The following FREM1 variants were observed in gnomAD, a reference collection of about 807,000 sequenced individuals.
FREM1 encodes FRAS1-related extracellular matrix protein 1.
In FREM1, 220 loss-of-function variants were observed where a neutral mutation model predicts 210.1. The ratio of observed to expected loss-of-function variants is 1.05; its 90% CI spans 0.94 to 1.17. The LOEUF is 1.17. Among genes scored for constraint, FREM1 ranks in the 50% most tolerant of loss-of-function variants. FREM1 has a pLI of 0.00. For synonymous variants in FREM1, 1,189 were observed against 980.2 expected (o/e 1.21, Z -3.98); for missense variants, 3,454 against 2,675.5 (o/e 1.29, Z -6.42).
intron 2 of FREM1, among the ~76,000 whole-genome samples, chr9:14,866,705 A>G (rs1251256811): frequency 2.0e-5 from 3 of 152,186 alleles, no homozygotes; most frequent in Non-Finnish European, 4.4e-5. Flanking sequence ...TTAAAAATAT[A>G]TTGATTGGAA....
At chr9:14,890,042 G>A (rs1252824376) in intron 1 of FREM1, among the ~76,000 whole-genome samples, 1 of 152,180 alleles carries the variant, frequency 6.6e-6, no homozygotes, top group African/African-American at 2.4e-5. Flanking sequence ...TGGAGCTAAG[G>A]ATACTCCTTT....
At chr9:14,827,034 T>C (rs1822590278) in intron 10 of FREM1, among the ~76,000 whole-genome samples, 2 of 152,046 alleles carry the variant, frequency 1.3e-5, no homozygotes, top group South Asian at 4.1e-4. Context: ...TACCTGAAAA[T>C]GTGGAAGTAG....
intron 22 of FREM1, chr9:14,791,063 A>C (rs563962771): frequency 6.6e-6 from 1 of 152,220 alleles, no homozygotes; most frequent in African/African-American, 2.4e-5. Context: ...ATGGAAAGTT[A>C]AGCATTCCAT....
At chr9:14,891,910 G>A (rs751790398) in intron 1 of FREM1, among the ~76,000 whole-genome samples, 11 of 152,214 alleles carry the variant, frequency 7.2e-5, no homozygotes, top group Non-Finnish European at 1.3e-4. Context: ...GGTCTTGTGG[G>A]AGGGAGATTT....
intron 25 of FREM1, among the ~76,000 whole-genome samples, chr9:14,772,755 T>A (rs1847814017): frequency 6.6e-6 from 1 of 152,144 alleles, no homozygotes; most frequent in Non-Finnish European, 1.5e-5. Flanking sequence ...CACAACCAAG[T>A]GGCCAGTAAG....
intron 10 of FREM1, among the ~76,000 whole-genome samples, chr9:14,840,934 C>G (rs982402428): frequency 6.6e-6 from 1 of 152,180 alleles, no homozygotes; most frequent in Middle Eastern, 3.2e-3. Context: ...TAAATAATAG[C>G]TAATGTATTT....
intron 34 of FREM1, 148 bp from the exon 35 acceptor site, chr9:14,746,616 G>C (rs1167100156): frequency 4.6e-6 from 3 of 654,690 alleles, no homozygotes; most frequent in Non-Finnish European, 8.0e-6. Flanking sequence ...TCTCCATCTT[G>C]AGAAATACAA....
intron 12 of FREM1, 88 bp from the exon 13 acceptor site, chr9:14,823,415 G>T: frequency 8.7e-7 from 1 of 1,150,726 alleles, no homozygotes; most frequent in Non-Finnish European, 1.2e-6. Flanking sequence ...CATGTTAATT[G>T]ATATTGAACA....
intron 5 of FREM1, among the ~76,000 whole-genome samples, chr9:14,854,297 C>T (rs2131450430): frequency 6.6e-6 from 1 of 152,144 alleles, no homozygotes; most frequent in Non-Finnish European, 1.5e-5. Flanking sequence ...AAAAGTGTAT[C>T]TATTACTACC....
intron 29 of FREM1, among the ~76,000 whole-genome samples, chr9:14,751,121 CCT>C (rs1342653982): frequency 2.0e-5 from 3 of 152,062 alleles, no homozygotes; most frequent in Admixed American, 6.5e-5. Flanking sequence ...TAGGATATCC[CCT>C]GAGTTTACTT....
In FREM1 at chr9:14,842,423, A is replaced by G. The variant is rs1172452501; in HGVS notation, c.1631T>C (p.Met544Thr). ...EGQTILIQGSMLRASDVDASD... is the reference protein window; with the variant it reads ...EGQTILIQGSTLRASDVDASD... The stretch of plus-strand genomic sequence containing the variant: ...GGCGTCCACATCTGAAGCTCGCAGC[A>G]TGGATCCCTGGATCAGGATGGTCTG... The change falls in exon 9 of 37, where the codon ATG becomes ACG. Residue 544 changes from methionine (M) to threonine (T), a missense_variant. By Grantham distance (81) the Met-to-Thr change is moderately conservative. Transcript: ENST00000380880. 17 of 1,613,932 alleles carry G rather than the reference A, an allele frequency of 1.1e-5. No individual in the cohort carries two copies. Among genetic ancestry groups the G allele is most frequent in the Admixed American group, 3.3e-5 (2 of 60,016 alleles).
At chr9:14,882,899 C>T (rs561365540) in intron 1 of FREM1, among the ~76,000 whole-genome samples, 171 of 22,118 alleles carry the variant, frequency 7.7e-3, no homozygotes, top group African/African-American at 0.027. Context: ...GGCAGCAGAG[C>T]GAGACTCCAT....
chr9:14,749,820 C>G (rs1233535777), intron 30 of FREM1, among the ~76,000 whole-genome samples: 1 of 152,164 alleles, frequency 6.6e-6, no homozygotes, highest in Non-Finnish European at 1.5e-5. Flanking sequence ...TCTACAGACT[C>G]TGGGGAAAAT....
chr9:14,851,389 C>A lies in FREM1; in HGVS notation c.1047G>T (p.Leu349Phe). 6.2e-7 allele frequency: 1 copy of A among 1,613,846 alleles called. No individual in the cohort carries two copies. ...ATGAGGAGATTGGTCTGGTGTGATC[C>A]AACAGGTGAGTCACATAGCCCTGGA... ...APLQGYVTHL[L>F]DHTRPISSFT... The change falls in exon 6 of 37, where the codon TTG (leucine) becomes TTT (phenylalanine). Residue 349 changes from leucine to phenylalanine, a missense_variant. By Grantham distance (22) the Leu-to-Phe change is conservative. Transcript: ENST00000380880.
At chr9:14,759,019 T>C (rs1844945310) in intron 28 of FREM1, among the ~76,000 whole-genome samples, 1 of 152,120 alleles carries the variant, frequency 6.6e-6, no homozygotes, top group African/African-American at 2.4e-5. Context: ...CTGAGGTGAA[T>C]ACTAAGAGAA....
At chr9:14,895,568 C>G (rs1318459987) in intron 1 of FREM1, among the ~76,000 whole-genome samples, 3 of 152,086 alleles carry the variant, frequency 2.0e-5, no homozygotes, top group Admixed American at 6.6e-5. Context: ...AGTTGCCCAG[C>G]TCATGAAAAA....
At chr9:14,793,127 T>C (rs1166644931) in intron 21 of FREM1, among the ~76,000 whole-genome samples, 2 of 152,348 alleles carry the variant, frequency 1.3e-5, no homozygotes, top group South Asian at 2.1e-4. Flanking sequence ...GCACTTCTAA[T>C]TGATTACATG....
chr9:14,779,953 G>C (rs1167012754), intron 24 of FREM1, among the ~76,000 whole-genome samples: 4 of 152,152 alleles, frequency 2.6e-5, no homozygotes, highest in Non-Finnish European at 5.9e-5. Context: ...CAGAGAGAGG[G>C]ACAGAATGAA....
intron 1 of FREM1, among the ~76,000 whole-genome samples, chr9:14,881,122 G>A (rs1283968326): frequency 2.0e-5 from 3 of 152,206 alleles, no homozygotes; most frequent in African/African-American, 7.2e-5. Context: ...GCATATGTAT[G>A]TTGTCCTGGA....
Sources: allele counts gnomAD v4.1 joint callset (sites outside exome capture counted in the v4.1 genomes callset), GRCh38; gene constraint gnomAD v4.1.1; transcripts MANE v1.5; gene names NCBI Gene and HGNC (gene_info 2026-07-23, HGNC 2026-07-21).